The following FRMPD4 variants were observed in gnomAD, a reference collection of about 807,000 sequenced individuals.
FRMPD4 encodes the protein FERM and PDZ domain containing 4.
In FRMPD4, 22 loss-of-function variants were observed where a neutral mutation model predicts 94.1. The observed-to-expected ratio is 0.23, with a 90% CI of 0.17 to 0.33. The LOEUF is 0.33. Among genes scored for constraint, FRMPD4 ranks in the 10% least tolerant of loss-of-function variants. FRMPD4 has a pLI of 1.00. For missense variants in FRMPD4, 1,111 were observed against 1,339.9 expected, an observed-to-expected ratio of 0.83 and a Z score of 2.67; for synonymous variants, 631 against 548.6, an observed-to-expected ratio of 1.15 and a Z score of -2.10.
intron 1 of FRMPD4, among the ~76,000 whole-genome samples, chrX:12,359,757 C>T (rs899104694): frequency 1.8e-5 from 2 of 112,127 alleles, no homozygotes; most frequent in African/African-American, 6.5e-5. Context: ...CGTGAGCCAC[C>T]GTGCCTGGCC....
chrX:12,575,510 C>G (rs982187667), intron 2 of FRMPD4, among the ~76,000 whole-genome samples: 2 of 111,077 alleles, frequency 1.8e-5, no homozygotes, highest in African/African-American at 6.6e-5. Context: ...CAGCTAGTAG[C>G]CCTTTCCCCC....
intron 3 of FRMPD4, among the ~76,000 whole-genome samples, chrX:12,063,675 C>G (rs1043192962): frequency 1.8e-5 from 2 of 112,267 alleles, no homozygotes; most frequent in African/African-American, 6.5e-5. Flanking sequence ...ATCACTTGAG[C>G]CTAGGAGTTT....
chrX:11,835,416 A>G (rs1052673154), intron 1 of FRMPD4, among the ~76,000 whole-genome samples: 1 of 112,327 alleles, frequency 8.9e-6, no homozygotes, highest in African/African-American at 3.2e-5. Flanking sequence ...CAAAGCATCC[A>G]GATAGCACGA....
chrX:12,102,922 A>G (rs2055267347), intron 3 of FRMPD4, among the ~76,000 whole-genome samples: 1 of 111,384 alleles, frequency 9.0e-6, no homozygotes, highest in Non-Finnish European at 1.9e-5. Context: ...AGCTAACAGA[A>G]GGCAATAATT....
At chrX:11,902,146 T>C in intron 3 of FRMPD4, among the ~76,000 whole-genome samples, 1 of 112,948 alleles carries the variant, frequency 8.9e-6, no homozygotes, top group Non-Finnish European at 1.9e-5. Context: ...GAACTGACTT[T>C]AATGCTTCTT....
intron 6 of FRMPD4, 54 bp downstream of exon 6, chrX:12,683,641 C>T (rs898985655): frequency 5.5e-5 from 34 of 619,517 alleles, no homozygotes; most frequent in South Asian, 3.2e-4. Context: ...GAGGCAGAAG[C>T]TTTGCACTCA....
chrX:11,849,522 A>T (rs372605980), intron 1 of FRMPD4, among the ~76,000 whole-genome samples: 5 of 111,754 alleles, frequency 4.5e-5, no homozygotes, highest in African/African-American at 1.6e-4. Context: ...AAAACTTATC[A>T]CAAAGCTACA....
At chrX:12,692,918 C>G (rs757358178) in intron 8 of FRMPD4, among the ~76,000 whole-genome samples, 1 of 111,707 alleles carries the variant, frequency 9.0e-6, no homozygotes, top group African/African-American at 3.3e-5. Flanking sequence ...TTTCTTTATT[C>G]CTGGTTTGCT....
At chrX:12,452,247 A>G (rs1317294302) in intron 1 of FRMPD4, among the ~76,000 whole-genome samples, 2 of 112,281 alleles carry the variant, frequency 1.8e-5, no homozygotes, top group Non-Finnish European at 3.8e-5. Flanking sequence ...TCAAATAGTA[A>G]TGATTTTAAA....
At chrX:12,578,811 C>T (rs2058837260) in intron 2 of FRMPD4, among the ~76,000 whole-genome samples, 1 of 111,592 alleles carries the variant, frequency 9.0e-6, no homozygotes, top group South Asian at 3.7e-4. Context: ...CAATGCTGTC[C>T]CTATTGAGAA....
intron 1 of FRMPD4, among the ~76,000 whole-genome samples, chrX:12,412,255 T>C (rs1359873189): frequency 8.9e-6 from 1 of 112,083 alleles, no homozygotes; most frequent in East Asian, 2.8e-4. Context: ...CTTAGTTACT[T>C]CTCCCACACA....
At chrX:12,156,631 C>T (rs2055940844) in intron 1 of FRMPD4, among the ~76,000 whole-genome samples, 1 of 111,879 alleles carries the variant, frequency 8.9e-6, no homozygotes, top group South Asian at 3.8e-4. Context: ...TCTTTTCATG[C>T]TTTTCTGTAA....
intron 1 of FRMPD4, among the ~76,000 whole-genome samples, chrX:12,168,876 C>T (rs190825243): frequency 2.7e-5 from 3 of 111,629 alleles, no homozygotes; most frequent in East Asian, 2.8e-4. Flanking sequence ...CTGCCCGCCT[C>T]GGCCTCCCAG....
At chrX:12,119,777 A>T (rs904316222) in intron 3 of FRMPD4, among the ~76,000 whole-genome samples, 6 of 112,473 alleles carry the variant, frequency 5.3e-5, no homozygotes, top group Non-Finnish European at 7.5e-5. Flanking sequence ...TCAACCTTTC[A>T]TTCGCACCGC....
intron 2 of FRMPD4, among the ~76,000 whole-genome samples, chrX:12,602,190 T>G (rs1250855058): frequency 8.9e-6 from 1 of 112,225 alleles, no homozygotes; most frequent in Non-Finnish European, 1.9e-5. Context: ...CGTTGTAACC[T>G]ATCAACTTTA....
intron 1 of FRMPD4, among the ~76,000 whole-genome samples, chrX:12,168,622 C>CGT (rs1555928468): frequency 1.4e-5 from 1 of 70,168 alleles, no homozygotes. Flanking sequence ...GACACTGACC[C>CGT]TTTTTTTTTT....
intron 4 of FRMPD4, among the ~76,000 whole-genome samples, chrX:12,615,454 G>C (rs1569366377): frequency 9.0e-6 from 1 of 111,713 alleles, no homozygotes; most frequent in Non-Finnish European, 1.9e-5. Flanking sequence ...TTCTTAATGG[G>C]GCACCAGAAA....
chrX:12,123,138 TTTTG>T (rs2055470868), intron 3 of FRMPD4, among the ~76,000 whole-genome samples: 1 of 98,620 alleles, frequency 1.0e-5, no homozygotes, highest in African/African-American at 3.9e-5. Flanking sequence ...TTTTTTTTTT[TTTTG>T]TTTGTTTGTT....
intron 3 of FRMPD4, among the ~76,000 whole-genome samples, chrX:12,115,621 A>G (rs927354208): frequency 2.7e-5 from 2 of 73,093 alleles, no homozygotes; most frequent in African/African-American, 5.1e-5. Context: ...GTATCCCCCA[A>G]TGCTGGCCTC....
Sources: allele counts gnomAD v4.1 joint callset (sites outside exome capture counted in the v4.1 genomes callset), GRCh38; gene constraint gnomAD v4.1.1; transcripts MANE v1.5; gene names NCBI Gene and HGNC (gene_info 2026-07-23, HGNC 2026-07-21).